Variants in METTL15 observed in about 807,000 individuals in gnomAD.
METTL15 encodes the protein methyltransferase 15, mitochondrial 12S rRNA N4-cytidine.
METTL15 carries 34 observed loss-of-function variants against 38.3 expected under a neutral mutation model. The ratio of observed to expected loss-of-function variants is 0.89; its 90% CI spans 0.68 to 1.18. METTL15 has a LOEUF of 1.18. METTL15 is among the 50% of genes most tolerant of loss of function. The pLI, the probability that METTL15 is intolerant of heterozygous loss-of-function variation, is 0.00. For missense variants in METTL15, 438 were observed against 498.4 expected (o/e 0.88, Z 1.15); for synonymous variants, 162 against 170.9 (o/e 0.95, Z 0.41).
intron 5 of METTL15, among the ~76,000 whole-genome samples, chr11:28,388,683 TC>T (rs1486775873): frequency 7.2e-5 from 11 of 152,122 alleles, no homozygotes; most frequent in African/African-American, 2.7e-4. Flanking sequence ...ATGACACTTT[TC>T]TTTTTTTTTA....
chr11:28,291,787 A>G lies in METTL15; in HGVS notation c.599+1390A>G, dbSNP rs1325844876. On this transcript the variant is annotated intron_variant, in intron 5 of 6. Coordinates refer to ENST00000407364, the MANE Select transcript of METTL15 (RefSeq NM_001113528.2). ...AACATCAAGCCAATTTCTGAAATGC[A>G]ATGAACAAAACTTCTAGTTACTAGT... Among the ~76,000 whole-genome samples, 5 of 152,268 alleles carry G rather than the reference A, an allele frequency of 3.3e-5. No homozygotes were observed. In the South Asian group the frequency reaches 8.3e-4, roughly 25 times the overall value.
At chr11:28,365,555 T>G (rs1850177394) in intron 5 of METTL15, among the ~76,000 whole-genome samples, 1 of 151,924 alleles carries the variant, frequency 6.6e-6, no homozygotes, top group Non-Finnish European at 1.5e-5. Context: ...TATTTGAATC[T>G]TCTCTCTTTT....
At chr11:28,247,270 G>A (rs1412133718) in intron 4 of METTL15, among the ~76,000 whole-genome samples, 1 of 152,028 alleles carries the variant, frequency 6.6e-6, no homozygotes, top group East Asian at 1.9e-4. Context: ...AATTATTAAT[G>A]AGACATAAAT....
chr11:28,150,973 G>T (rs1370415299), intron 3 of METTL15, among the ~76,000 whole-genome samples: 2 of 140,890 alleles, frequency 1.4e-5, no homozygotes, highest in African/African-American at 5.4e-5. Context: ...ATTAAGAGGA[G>T]GAAATTCCCA....
At chr11:28,461,043 C>A (rs1239108235) in intron 6 of METTL15, among the ~76,000 whole-genome samples, 1 of 152,016 alleles carries the variant, frequency 6.6e-6, no homozygotes, top group Non-Finnish European at 1.5e-5. Flanking sequence ...TGCAGAGACT[C>A]AAGTCAAGTG....
chr11:28,179,011 C>G (rs1565145991), intron 3 of METTL15, among the ~76,000 whole-genome samples: 1 of 151,702 alleles, frequency 6.6e-6, no homozygotes, highest in East Asian at 1.9e-4. Flanking sequence ...TGTTTTTATA[C>G]TATTTGTAAT....
chr11:28,285,877 A>T (rs1284610275), intron 4 of METTL15, among the ~76,000 whole-genome samples: 1 of 152,090 alleles, frequency 6.6e-6, no homozygotes, highest in Non-Finnish European at 1.5e-5. Flanking sequence ...TATCTCTTGT[A>T]TCTCACTGGC....
intron 4 of METTL15, among the ~76,000 whole-genome samples, chr11:28,255,162 T>G (rs1854920624): frequency 6.6e-6 from 1 of 152,180 alleles, no homozygotes. Flanking sequence ...ATAATTTTCT[T>G]TATAGAGATC....
intron 6 of METTL15, among the ~76,000 whole-genome samples, chr11:28,319,065 G>A (rs1429969393): frequency 6.6e-6 from 1 of 152,204 alleles, no homozygotes; most frequent in Non-Finnish European, 1.5e-5. Flanking sequence ...CAGATGTGCT[G>A]TCTTTAGGCC....
chr11:28,122,183 A>T (rs747357754), intron 3 of METTL15: 1 of 1,244,252 alleles, frequency 8.0e-7, no homozygotes, highest in South Asian at 1.4e-5. Flanking sequence ...TCCTACAGGT[A>T]AATTTAACAT....
chr11:28,150,798 C>G (rs1171393898), intron 3 of METTL15, among the ~76,000 whole-genome samples: 2 of 151,670 alleles, frequency 1.3e-5, no homozygotes, highest in Non-Finnish European at 2.9e-5. Context: ...CTTTACTTTT[C>G]TATGAGTCTT....
At chr11:28,268,668 A>G (rs80085918) in intron 4 of METTL15, among the ~76,000 whole-genome samples, 11,147 of 152,260 alleles carry the variant, frequency 0.073, 590 homozygotes, top group Non-Finnish European at 0.12. Context: ...TTGTAAATTT[A>G]TATGTTTATT....
chr11:28,112,270 G>C (rs997831064), intron 2 of METTL15, among the ~76,000 whole-genome samples: 1 of 152,142 alleles, frequency 6.6e-6, no homozygotes. Context: ...TGCTAATTCT[G>C]TGGAGTCTGG....
chr11:28,114,700 C>G (rs1448352893), intron 3 of METTL15, among the ~76,000 whole-genome samples: 1 of 152,278 alleles, frequency 6.6e-6, no homozygotes, highest in East Asian at 1.9e-4. Flanking sequence ...ATCCTCCTGC[C>G]TTGGCCTCCG....
downstream of METTL15, among the ~76,000 whole-genome samples, chr11:28,528,583 A>G (rs929627471): frequency 2.0e-5 from 3 of 152,136 alleles, no homozygotes; most frequent in African/African-American, 7.2e-5. Flanking sequence ...CAACGGTCCA[A>G]TTTTTTCAAA....
chr11:28,177,220 A>G (rs1851110272), intron 3 of METTL15, among the ~76,000 whole-genome samples: 1 of 152,000 alleles, frequency 6.6e-6, no homozygotes, highest in South Asian at 2.1e-4. Flanking sequence ...GTAAAATGCA[A>G]TATATGTTTT....
intron 5 of METTL15, among the ~76,000 whole-genome samples, chr11:28,291,889 A>T (rs1046631548): frequency 6.6e-6 from 1 of 152,102 alleles, no homozygotes; most frequent in Non-Finnish European, 1.5e-5. Context: ...TGGTTTTCCC[A>T]AGAGCTTGAA....
At chr11:28,491,228 C>T (rs772366306) in intron 6 of METTL15, among the ~76,000 whole-genome samples, 4 of 152,092 alleles carry the variant, frequency 2.6e-5, no homozygotes, top group Admixed American at 6.5e-5. Context: ...CATAAGAGTA[C>T]AAAGCTGTAG....
chr11:28,162,303 A>G (rs1487022751), intron 3 of METTL15, among the ~76,000 whole-genome samples: 1 of 152,154 alleles, frequency 6.6e-6, no homozygotes, highest in Non-Finnish European at 1.5e-5. Context: ...AGAATAAATT[A>G]GAGTGTACAT....
Sources: gnomAD v4.1 joint callset for allele counts (sites outside exome capture counted in the v4.1 genomes callset) on GRCh38, gnomAD v4.1.1 for gene constraint, MANE v1.5 for transcripts, NCBI Gene and HGNC (gene_info 2026-07-23, HGNC 2026-07-21) for gene names.